SMOC2: variants seen among roughly 807,000 people sequenced by gnomAD.
SMOC2 encodes the protein SPARC-related modular calcium-binding protein 2.
A neutral mutation model predicts 61.4 loss-of-function variants in SMOC2; 39 were observed. The observed-to-expected ratio is 0.64, with a 90% CI of 0.49 to 0.83. The LOEUF is 0.83. SMOC2 is among the 40% of genes least tolerant of loss of function. SMOC2 has a pLI of 0.00. For synonymous variants in SMOC2, 247 were observed against 239.9 expected, an observed-to-expected ratio of 1.03 and a Z score of -0.27; for missense variants, 556 against 592.9, an observed-to-expected ratio of 0.94 and a Z score of 0.65.
At chr6:168,529,825 G>A (rs906923872) in intron 4 of SMOC2, among the ~76,000 whole-genome samples, 6 of 152,186 alleles carry the variant, frequency 3.9e-5, no homozygotes, top group African/African-American at 1.4e-4. Context: ...CAGAGAAGCG[G>A]GCATCACCTG....
chr6:168,558,827 ATG>A (rs1784312773), intron 7 of SMOC2, among the ~76,000 whole-genome samples: 1 of 148,400 alleles, frequency 6.7e-6, no homozygotes, highest in Non-Finnish European at 1.5e-5. Flanking sequence ...GCGTATGTGC[ATG>A]TGTGTGCACG....
intron 2 of SMOC2, among the ~76,000 whole-genome samples, chr6:168,515,585 T>A (rs1783111030): frequency 1.1e-4 from 1 of 9,104 alleles, no homozygotes; most frequent in East Asian, 0.025. Flanking sequence ...TCCTGGCTCG[T>A]GGCGGAAGAC....
chr6:168,543,515 A>G, intron 4 of SMOC2, 110 bp from the exon 5 acceptor site: 1 of 930,264 alleles, frequency 1.1e-6, no homozygotes, highest in Non-Finnish European at 1.7e-6. Context: ...AACATGCCGA[A>G]GCACGGCAAA....
intron 1 of SMOC2, among the ~76,000 whole-genome samples, chr6:168,467,956 A>G (rs1013023585): frequency 3.3e-5 from 5 of 152,256 alleles, no homozygotes; most frequent in Non-Finnish European, 5.9e-5. Context: ...TTTGTATACT[A>G]TAAAACTGTA....
At chr6:168,445,198 C>T (rs1781304850) in intron 1 of SMOC2, among the ~76,000 whole-genome samples, 1 of 152,166 alleles carries the variant, frequency 6.6e-6, no homozygotes, top group Admixed American at 6.5e-5. Context: ...TGGGAGTTCC[C>T]TGCACTGTTT....
At chr6:168,532,625 A>C (rs2115083992) in intron 4 of SMOC2, among the ~76,000 whole-genome samples, 1 of 152,322 alleles carries the variant, frequency 6.6e-6, no homozygotes, top group Middle Eastern at 3.4e-3. Flanking sequence ...TGGCATGAGT[A>C]CAAAGTGGGT....
intron 4 of SMOC2, among the ~76,000 whole-genome samples, chr6:168,537,680 G>T (rs1466774416): frequency 6.6e-6 from 1 of 152,234 alleles, no homozygotes; most frequent in Non-Finnish European, 1.5e-5. Flanking sequence ...CAGGACCGCT[G>T]CTGCCCTGGG....
chr6:168,655,505 T>C lies in SMOC2; in HGVS notation c.1285+2277T>C, dbSNP rs111951951. On this transcript the variant is annotated intron_variant, in intron 11 of 12. Coordinates refer to ENST00000356284, the MANE Select transcript of SMOC2 (RefSeq NM_001166412.2). ...GAGACAGCACTGTGAGATGCGTGCA[T>C]GCCCTGATCCCACTGCACATGCGTG... The C allele has an allele frequency of 1.8e-4, 81 of 440,240 alleles. 1 individual carries two copies. The highest frequency in any genetic ancestry group is 1.3e-3 in the African/African-American group (67 of 49,654). 27.3% of individuals were successfully genotyped at this position (440,240 alleles called of 1,614,324 possible).
intron 7 of SMOC2, among the ~76,000 whole-genome samples, chr6:168,590,788 C>T (rs930836510): frequency 2.6e-5 from 4 of 152,020 alleles, no homozygotes; most frequent in Non-Finnish European, 5.9e-5. Flanking sequence ...TGTCTGGCAG[C>T]TGCTTATTAT....
At chr6:168,491,657 A>T (rs1457073900) in intron 1 of SMOC2, among the ~76,000 whole-genome samples, 1 of 152,154 alleles carries the variant, frequency 6.6e-6, no homozygotes, top group Non-Finnish European at 1.5e-5. Flanking sequence ...TTAATTTGAT[A>T]CTCTATTTAA....
rs1784174766 is a variant in SMOC2, at chr6:168,553,399, T to G, written c.637+4196T>G. ...ACAAGATTTTATCAGATAAGACATT[T>G]TGTAAGATACAGTCTTTTAATTATG... On this transcript the variant is annotated intron_variant, in intron 7 of 12. Transcript: ENST00000356284. This position sits in a 1 kb window ranked among gnomAD's most constrained non-coding sequence, Gnocchi z 4.2. 1.3e-5 allele frequency among the ~76,000 whole-genome samples: 2 copies of G among 152,228 alleles called. No homozygotes were observed. The highest frequency in any genetic ancestry group is 4.8e-5 in the African/African-American group (2 of 41,464).
chr6:168,604,532 G>A (rs560815934), intron 8 of SMOC2, among the ~76,000 whole-genome samples: 11 of 152,160 alleles, frequency 7.2e-5, no homozygotes, highest in Admixed American at 2.0e-4. Context: ...TTCCCTCAGC[G>A]CAATTTTCTT....
chr6:168,537,613 A>G (rs1218807607), intron 4 of SMOC2, among the ~76,000 whole-genome samples: 1 of 152,228 alleles, frequency 6.6e-6, no homozygotes. Flanking sequence ...GCTAGGACTC[A>G]CCCCAGGAGG....
chr6:168,526,498 G>A (rs771662564), intron 3 of SMOC2, 46 bp downstream of exon 3: 19 of 1,517,958 alleles, frequency 1.3e-5, no homozygotes, highest in Non-Finnish European at 1.6e-5. Context: ...CGATTAGGGA[G>A]GGAGATGTGG....
intron 9 of SMOC2, among the ~76,000 whole-genome samples, chr6:168,635,891 C>A (rs1298549541): frequency 7.0e-6 from 1 of 143,074 alleles, no homozygotes. Flanking sequence ...AAAAAGTTTA[C>A]TGGTTTAACA....
chr6:168,663,300 G>A lies in SMOC2; in HGVS notation c.1286-774G>A, dbSNP rs1002801393. 7.2e-5 allele frequency among the ~76,000 whole-genome samples: 11 copies of A among 151,748 alleles called. 1 individual carries two copies. The highest frequency in any genetic ancestry group is 4.6e-4 in the Admixed American group (7 of 15,278). On this transcript the variant is annotated intron_variant, in intron 11 of 12. Coordinates refer to ENST00000356284, the MANE Select transcript of SMOC2 (RefSeq NM_001166412.2). ...GCAGAGGGCGGTGAAGCCAGGAGAC[G>A]GACAGCACAGCTCCCTCGGGCTTTG...
At chr6:168,548,233 G>C (rs2115105138) in intron 6 of SMOC2, among the ~76,000 whole-genome samples, 1 of 152,234 alleles carries the variant, frequency 6.6e-6, no homozygotes, top group East Asian at 1.9e-4. Flanking sequence ...CCGCAGATGA[G>C]AGCCCTGTGG....
intron 4 of SMOC2, among the ~76,000 whole-genome samples, chr6:168,529,511 C>T (rs942282221): frequency 1.3e-5 from 2 of 152,192 alleles, no homozygotes; most frequent in Non-Finnish European, 2.9e-5. Flanking sequence ...TAGTATATTC[C>T]GCAGGTCTAC....
chr6:168,499,881 A>G (rs1275471711), intron 1 of SMOC2, among the ~76,000 whole-genome samples: 1 of 152,174 alleles, frequency 6.6e-6, no homozygotes, highest in Admixed American at 6.5e-5. Flanking sequence ...TCTTCTCCGC[A>G]CAATTGGACT....
Sources: allele counts gnomAD v4.1 joint callset (sites outside exome capture counted in the v4.1 genomes callset), GRCh38; gene constraint gnomAD v4.1.1; non-coding constraint Gnocchi (gnomAD v3.1); transcripts MANE v1.5; gene names NCBI Gene and HGNC (gene_info 2026-07-23, HGNC 2026-07-21).